MOGS: variants seen among roughly 807,000 people sequenced by gnomAD.
MOGS encodes mannosyl-oligosaccharide glucosidase, also known as epididymis secretory sperm binding protein.
Under a neutral mutation model 68.5 loss-of-function variants are expected in MOGS, and 45 were observed. The ratio of observed to expected loss-of-function variants is 0.66; its 90% CI spans 0.52 to 0.84. MOGS has a LOEUF of 0.84. Ranked by LOEUF, MOGS falls within the 40% of genes least tolerant of loss-of-function variation. MOGS has a pLI of 0.00. For synonymous variants in MOGS, 492 were observed against 461.2 expected, an observed-to-expected ratio of 1.07 and a Z score of -0.86; for missense variants, 1,020 against 1,095.0, an observed-to-expected ratio of 0.93 and a Z score of 0.97.
Position 74,462,584 on chromosome 2 carries a change from A to G in MOGS, c.1205T>C (p.Ile402Thr), listed in dbSNP as rs772354380. Reference sequence around the variant, plus strand: ...CAGCCCTTGTCCGTAGAAGTAGCCAATTCCACCAAGGAGGCCGCTGAGGGC... The same window carrying G: ...CAGCCCTTGTCCGTAGAAGTAGCCAGTTCCACCAAGGAGGCCGCTGAGGGC... ...QAALSGLLGG[I>T]GYFYGQGLVL... Residue 402 changes from isoleucine to threonine, a missense_variant, in exon 4 of 4, where the codon ATT becomes ACT. By Grantham distance (89) the Ile-to-Thr change is moderately conservative. This residue lies in a region of MOGS where 569 missense variants were observed against 571.9 expected (regional missense o/e 0.99). Coordinates refer to ENST00000448666, the MANE Select transcript of MOGS (RefSeq NM_006302.3). 8.7e-6 allele frequency: 14 copies of G among 1,613,774 alleles called. No individual in the cohort carries two copies. The highest frequency in any genetic ancestry group is 4.5e-5 in the East Asian group (2 of 44,868).
In MOGS at chr2:74,461,318, C is replaced by T. The variant is rs376424106; in HGVS notation, c.2471G>A (p.Gly824Asp). 9.3e-6 allele frequency: 15 copies of T among 1,613,998 alleles called. No homozygotes were observed. The highest frequency in any genetic ancestry group is 1.6e-4 in the Middle Eastern group (1 of 6,082). The change falls in exon 4 of 4, where the codon GGC becomes GAC. Residue 824 changes from glycine (G) to aspartate (D), a missense_variant. Around this residue, in one of 3 missense-constraint regions of MOGS, gnomAD observed 270 missense variants for 261.3 expected, o/e 1.03. Transcript: ENST00000448666. Reference sequence around the variant, plus strand: ...GGCCAGTAAGACAAGGCTGGTCCAGCCGTGGAAAGGGCGGCAGCCCATGCC... The same window carrying T: ...GGCCAGTAAGACAAGGCTGGTCCAGTCGTGGAAAGGGCGGCAGCCCATGCC... ...GRGMGCRPFH[G>D]WTSLVLLAMA...
rs371586378 is a variant in MOGS, at chr2:74,461,954, G to A, written c.1835C>T (p.Thr612Met). The change falls in exon 4 of 4, where the codon ACG (threonine) becomes ATG (methionine). Residue 612 changes from threonine (T) to methionine (M), a missense_variant. Physicochemically the swap from Thr to Met is moderately conservative, Grantham distance 81. Transcript: ENST00000448666. ...CWVALGARVL[T>M]RLAEHLGEAE... ...CTCACCCAGATGCTCTGCCAGCCGC[G>A]TCAGCACACGGGCACCCAGTGCCAC... The A allele has an allele frequency of 9.3e-6, 15 of 1,614,148 alleles. No homozygotes were observed. The highest frequency in any genetic ancestry group is 4.0e-5 in the African/African-American group (3 of 75,048).
In MOGS at chr2:74,461,699, A is replaced by G. The variant is rs1382859530; in HGVS notation, c.2090T>C (p.Leu697Ser). The change falls in exon 4 of 4, where the codon TTG becomes TCG. Residue 697 changes from leucine (L) to serine (S), a missense_variant. Physicochemically the swap from Leu to Ser is moderately radical, Grantham distance 145. Coordinates refer to ENST00000448666, the MANE Select transcript of MOGS (RefSeq NM_006302.3). Reference protein sequence around the residue: ...DALGYVSLFPLLLRLLDPTSS... With the variant: ...DALGYVSLFPSLLRLLDPTSS... ...GGTGGGGTCCAGCAGTCGCAGCAGC[A>G]AGGGAAAAAGACTGACATAGCCAAG... is the stretch of plus-strand genomic sequence containing the variant. 3 of 1,614,226 alleles carry G rather than the reference A, an allele frequency of 1.9e-6. No homozygotes were observed. In the South Asian group the frequency reaches 3.3e-5, roughly 18 times the overall value.
Position 74,461,669 on chromosome 2 carries a change from G to A in MOGS, c.2120C>T (p.Ser707Phe). ...AATGTCCAGCAGGGGCCCAAGGCGG[G>A]ATGAGGTGGGGTCCAGCAGTCGCAG... ...LLLRLLDPTS[S>F]RLGPLLDILA... The change falls in exon 4 of 4, where the codon TCC becomes TTC. Residue 707 changes from serine to phenylalanine, a missense_variant. Ser to Phe is a radical substitution (Grantham distance 155, BLOSUM62 -2). Coordinates refer to ENST00000448666, the MANE Select transcript of MOGS (RefSeq NM_006302.3). 6.2e-7 allele frequency: 1 copy of A among 1,614,218 alleles called. No individual in the cohort carries two copies. Among genetic ancestry groups the A allele is most frequent in the Non-Finnish European group, 8.5e-7 (1 of 1,180,034 alleles).
Position 74,461,195 on chromosome 2 carries a change from C to A in MOGS, c.*80G>T. The A allele has an allele frequency of 1.3e-5, 20 of 1,551,408 alleles. No individual in the cohort carries two copies. The highest frequency in any genetic ancestry group is 1.8e-5 in the Non-Finnish European group (20 of 1,133,938). On this transcript the variant is annotated 3_prime_UTR_variant, in exon 4 of 4. Coordinates refer to ENST00000448666, the MANE Select transcript of MOGS (RefSeq NM_006302.3). ...GTTTGAATTACTGGTATCCAAGGGG[C>A]TGGGGGCAAAAGCCAGAAGCCTTTG...
chr2:74,464,589 C>A lies in MOGS; in HGVS notation c.486G>T (p.Gln162His). The A allele has an allele frequency of 1.2e-6, 2 of 1,614,142 alleles. No individual in the cohort carries two copies. Among genetic ancestry groups the A allele is most frequent in the Non-Finnish European group, 1.7e-6 (2 of 1,180,042 alleles). ...CAGTGGTGAGCCTTAAGGCCCCATC[C>A]TGGATGTGTTGGCGCCCGAAGGAGA... Reference protein sequence around the residue: ...DGLSFGRQHIQDGALRLTTEF... With the variant: ...DGLSFGRQHIHDGALRLTTEF... The change falls in exon 2 of 4, where the codon CAG becomes CAT. Residue 162 changes from glutamine (Q) to histidine (H), a missense_variant. Gln to His is a conservative substitution (Grantham distance 24). Transcript: ENST00000448666.
chr2:74,461,293 G>A lies in MOGS; in HGVS notation c.2496C>T (p.Ala832=), dbSNP rs1671894899. The change falls in exon 4 of 4, where the codon GCC becomes GCT. Residue 832 remains alanine, a synonymous_variant. Transcript: ENST00000448666. ...FHGWTSLVLL[A]MAEDY ...CCTCCCTTCAGTAGTCTTCAGCCAT[G>A]GCCAGTAAGACAAGGCTGGTCCAGC... 1.9e-6 allele frequency: 3 copies of A among 1,614,112 alleles called. No homozygotes were observed. In the Admixed American group the frequency reaches 5.0e-5, roughly 27 times the overall value.
rs747536892 is a variant in MOGS at position 74,461,815 on chromosome 2, G to A, written c.1974C>T (p.His658=). Residue 658 remains histidine, a synonymous_variant, in exon 4 of 4, where the codon CAC becomes CAT. Transcript: ENST00000448666. ...ELGVFADFGN[H]TKAVQLKPRP... is the part of the protein sequence containing the mutation. ...TGGGCTTCAGCTGTACTGCTTTTGT[G>A]TGGTTCCCAAAGTCTGCAAAGACTC... is the stretch of plus-strand genomic sequence containing the variant. 3 of 1,614,202 alleles carry A rather than the reference G, an allele frequency of 1.9e-6. No individual in the cohort carries two copies. The Admixed American group carries it at 5.0e-5, about 27-fold the overall frequency.
At position 74,461,766 on chromosome 2, in the gene MOGS, C is replaced by A; in HGVS notation, c.2023G>T (p.Val675Leu). 1 of 1,614,206 alleles carries A rather than the reference C, an allele frequency of 6.2e-7. No homozygotes were observed. Among genetic ancestry groups the A allele is most frequent in the Non-Finnish European group, 8.5e-7 (1 of 1,180,026 alleles). The change falls in exon 4 of 4, where the codon GTG (valine) becomes TTG (leucine). Residue 675 changes from valine (V) to leucine (L), a missense_variant. This residue lies in a region of MOGS where 270 missense variants were observed against 261.3 expected (regional missense o/e 1.03). Coordinates refer to ENST00000448666, the MANE Select transcript of MOGS (RefSeq NM_006302.3). ...AGTTGAGGTTGGGGCCGACCCACCACCCGAACGAGCCCCTGAGGGGGCCTG... is the reference window on the plus strand; with the variant it reads ...AGTTGAGGTTGGGGCCGACCCACCAACCGAACGAGCCCCTGAGGGGGCCTG... Reference protein sequence around the residue: ...KPRPPQGLVRVVGRPQPQLQY... With the variant: ...KPRPPQGLVRLVGRPQPQLQY...
At position 74,464,485 on chromosome 2, in the gene MOGS, G is replaced by A; in HGVS notation, c.579+11C>T. On this transcript the variant is annotated intron_variant, in intron 2 of 3. Coordinates refer to ENST00000448666, the MANE Select transcript of MOGS (RefSeq NM_006302.3). ...GTCTGGGCTGAGAAAAGGGTGTCCT[G>A]AGGCCCTGACCTGAGGCTCTACAGT... 6.2e-7 allele frequency: 1 copy of A among 1,613,372 alleles called. No homozygotes were observed. The highest frequency in any genetic ancestry group is 2.2e-5 in the East Asian group (1 of 44,878).
Position 74,462,413 on chromosome 2 carries a change from AC to A in MOGS, c.1375del (p.Val459PhefsTer20). On this transcript the variant is annotated frameshift_variant, in exon 4 of 4. Coordinates refer to ENST00000448666, the MANE Select transcript of MOGS (RefSeq NM_006302.3). LOFTEE classifies it high-confidence loss of function. ...LWDEGFHQLVVQRWDPSLTRE... is the reference protein window; with the variant it reads ...LWDEGFHQLVXQRWDPSLTRE... The stretch of plus-strand genomic sequence containing the variant: ...GGTGAGGGAGGGATCCCACCGCTGA[AC>A]CACCAGCTGGTGAAAGCCTTCATCC... The A allele has an allele frequency of 6.2e-7, 1 of 1,613,776 alleles. No individual in the cohort carries two copies. Among genetic ancestry groups the A allele is most frequent in the Non-Finnish European group, 8.5e-7 (1 of 1,179,806 alleles).
At chr2:74,463,165 C>A (rs773796939) in intron 3 of MOGS, 25 bp downstream of exon 3, 1 of 1,613,742 alleles carries the variant, frequency 6.2e-7, no homozygotes, top group South Asian at 1.1e-5. Context: ...CCTTCCATCC[C>A]CCAACATTCT....
chr2:74,463,132 T>C (rs1343866611), intron 3 of MOGS, 58 bp downstream of exon 3: 2 of 1,610,842 alleles, frequency 1.2e-6, no homozygotes, highest in Admixed American at 3.3e-5. Context: ...ACATGGAGAC[T>C]GGTGAAAATG....
intron 2 of MOGS, 41 bp downstream of exon 2, chr2:74,464,455 A>G (rs1672008796): frequency 6.3e-7 from 1 of 1,594,532 alleles, no homozygotes; most frequent in Non-Finnish European, 8.6e-7. Context: ...GGAAGGATGG[A>G]GGGGGTCTGG....
rs1217773505 is a variant in MOGS at position 74,464,952 on chromosome 2, T to C, written c.296A>G (p.Tyr99Cys). 3.8e-6 allele frequency: 6 copies of C among 1,594,354 alleles called. No individual in the cohort carries two copies. The highest frequency in any genetic ancestry group is 1.7e-4 in the Middle Eastern group (1 of 6,040). ...CATGCCGAAGTAGACGTGAGGGCGG[T>C]AGGTTCCCCAGAAGAGGTCCGGGGC... ...AVAPDLFWGTYRPHVYFGMKT... is the reference protein window; with the variant it reads ...AVAPDLFWGTCRPHVYFGMKT... The change falls in exon 1 of 4, where the codon TAC (tyrosine) becomes TGC (cysteine). Residue 99 changes from tyrosine (Y) to cysteine (C), a missense_variant. By Grantham distance (194) the Tyr-to-Cys change is radical. Around this residue, in one of 3 missense-constraint regions of MOGS, gnomAD observed 569 missense variants for 571.9 expected, o/e 0.99. Transcript: ENST00000448666.
Position 74,461,337 on chromosome 2 carries a change from C to T in MOGS, c.2452G>A (p.Gly818Ser), listed in dbSNP as rs1432395963. The change falls in exon 4 of 4, where the codon GGC becomes AGC. Residue 818 changes from glycine to serine, a missense_variant. Gly to Ser is a moderately conservative substitution (Grantham distance 56). This residue lies in a region of MOGS where 270 missense variants were observed against 261.3 expected (regional missense o/e 1.03). Transcript: ENST00000448666. ...QYSDRDGRGM[G>S]CRPFHGWTSL... The stretch of plus-strand genomic sequence containing the variant: ...GTCCAGCCGTGGAAAGGGCGGCAGC[C>T]CATGCCTCGCCCATCGCGGTCACTG... The T allele has an allele frequency of 1.2e-6, 2 of 1,614,132 alleles. No homozygotes were observed. Among genetic ancestry groups the T allele is most frequent in the Non-Finnish European group, 1.7e-6 (2 of 1,180,048 alleles).
rs746434508 is a variant in MOGS, at chr2:74,464,523, C to G, written c.552G>C (p.Trp184Cys). 8 of 1,614,026 alleles carry G rather than the reference C, an allele frequency of 5.0e-6. No homozygotes were observed. In the South Asian group the frequency reaches 8.8e-5, roughly 18 times the overall value. ...KRPGGQHGGDWSWRVTVEPQD... is the reference protein window; with the variant it reads ...KRPGGQHGGDCSWRVTVEPQD... The stretch of plus-strand genomic sequence containing the variant: ...GAGGCTCTACAGTCACTCTCCAGCT[C>G]CAGTCCCCTCCGTGCTGACCCCCAG... The change falls in exon 2 of 4, where the codon TGG (tryptophan) becomes TGC (cysteine). Residue 184 changes from tryptophan (W) to cysteine (C), a missense_variant. Physicochemically the swap from Trp to Cys is radical, Grantham distance 215. Transcript: ENST00000448666.
chr2:74,461,076 T>A lies in MOGS; in HGVS notation c.*199A>T. 1.4e-6 allele frequency: 1 copy of A among 702,048 alleles called. No homozygotes were observed. The highest frequency in any genetic ancestry group is 2.4e-6 in the Non-Finnish European group (1 of 423,854). The allele number at this position is 702,048 out of a possible 1,614,324, so 43.5% of individuals were successfully genotyped here. A position where few individuals can be genotyped will look rare whatever the true frequency, so the allele number is the denominator to read the frequency against. On this transcript the variant is annotated 3_prime_UTR_variant, in exon 4 of 4. Transcript: ENST00000448666. ...AAGCAATAGAGTTCAAAATGTTTTTTCCAATTTATTTAGAAAAATAGACTC... is the reference window on the plus strand; with the variant it reads ...AAGCAATAGAGTTCAAAATGTTTTTACCAATTTATTTAGAAAAATAGACTC...
rs763331541 is a variant in MOGS, at chr2:74,462,475, C to A, written c.1314G>T (p.Val438=). 6.2e-7 allele frequency: 1 copy of A among 1,610,370 alleles called. No individual in the cohort carries two copies. The highest frequency in any genetic ancestry group is 8.5e-7 in the Non-Finnish European group (1 of 1,177,638). ...CTCGTGGGAAGAATGACCGGGAGGGCACTGCTGTAAAAAGAGGTACGGGTG... is the reference window on the plus strand; with the variant it reads ...CTCGTGGGAAGAATGACCGGGAGGGAACTGCTGTAAAAAGAGGTACGGGTG... ...LFPPVPLFTA[V]PSRSFFPRGF... The change falls in exon 4 of 4, where the codon GTG becomes GTT. Residue 438 remains valine (V), a synonymous_variant. Transcript: ENST00000448666.
Sources: allele counts gnomAD v4.1 joint callset, GRCh38; gene constraint gnomAD v4.1.1; regional missense constraint gnomAD v4.1.1; transcripts MANE v1.5; gene names NCBI Gene and HGNC (gene_info 2026-07-23, HGNC 2026-07-21).